The following LRP2BP variants were observed in gnomAD, a reference collection of about 807,000 sequenced individuals.
LRP2BP encodes LRP2-binding protein.
In LRP2BP, 38 loss-of-function variants were observed where a neutral mutation model predicts 45.2. That is an observed-to-expected ratio of 0.84 (90% CI 0.65 to 1.10). LRP2BP has a LOEUF of 1.10. LRP2BP is among the 50% of genes least tolerant of loss of function. The probability of loss-of-function intolerance (pLI) is 0.00; values close to 1 mark genes in which losing one functional copy is unlikely to be tolerated. For missense variants in LRP2BP, 385 were observed against 418.9 expected, an observed-to-expected ratio of 0.92 and a Z score of 0.71; for synonymous variants, 153 against 153.9, an observed-to-expected ratio of 0.99 and a Z score of 0.04.
At chr4:185,380,479 GCT>G (rs2095452701) in intron 1 of LRP2BP, among the ~76,000 whole-genome samples, 1 of 152,012 alleles carries the variant, frequency 6.6e-6, no homozygotes, top group South Asian at 2.1e-4. Context: ...GTGTTCCTAG[GCT>G]TGTAGTTGCA....
At chr4:185,389,392 A>C (rs1368599105) in intron 1 of LRP2BP, among the ~76,000 whole-genome samples, 2 of 150,712 alleles carry the variant, frequency 1.3e-5, no homozygotes, top group Non-Finnish European at 2.9e-5. Context: ...TGTATTTTTT[A>C]ATAGAGACGG....
At chr4:185,394,419 A>T (rs1197096249) in intron 1 of LRP2BP, among the ~76,000 whole-genome samples, 2 of 152,252 alleles carry the variant, frequency 1.3e-5, no homozygotes, top group Non-Finnish European at 2.9e-5. Context: ...TTTACCTGCT[A>T]ATAATTACAT....
intron 7 of LRP2BP, among the ~76,000 whole-genome samples, chr4:185,371,340 C>T (rs377404249): frequency 9.9e-5 from 15 of 151,916 alleles, no homozygotes; most frequent in African/African-American, 3.6e-4. Context: ...GAGATTGAGA[C>T]CATCCTGGCT....
At position 185,365,003 on chromosome 4, in the gene LRP2BP, AGTGTGTGTGTGTGTATGTGTGTGTGT is replaced by A. The variant is rs1232020528; in HGVS notation, c.*2151_*2176del. On this transcript the variant is annotated 3_prime_UTR_variant, in exon 9 of 9. Transcript: ENST00000505916. ...CAGCTACAAGGAATCTTAGAGAAGG[AGTGTGTGTGTGTGTATGTGTGTGTGT>A]GTGTGTGTGTGTAAGAGTAATGATC... The A allele has an allele frequency of 4.3e-5, 6 of 140,126 alleles. No homozygotes were observed. Among genetic ancestry groups the A allele is most frequent in the Non-Finnish European group, 9.1e-5 (6 of 66,150 alleles). 8.7% of individuals were successfully genotyped at this position (140,126 alleles called of 1,614,324 possible). A position where few individuals can be genotyped will look rare whatever the true frequency, so the allele number is the denominator to read the frequency against.
At position 185,366,069 on chromosome 4, in the gene LRP2BP, A is replaced by G. The variant is rs1230909246; in HGVS notation, c.*1111T>C. ...GTTGTGATTTATAAAATAAAGCCAC[A>G]TCCTTTAATATGTTTATAAAAAAAG... is the stretch of plus-strand genomic sequence containing the variant. On this transcript the variant is annotated 3_prime_UTR_variant, in exon 9 of 9. Coordinates refer to ENST00000505916, the MANE Select transcript of LRP2BP (RefSeq NM_001377440.1). The G allele has an allele frequency of 4.6e-5, 7 of 152,366 alleles. No homozygotes were observed. The South Asian group carries it at 1.2e-3, about 27-fold the overall frequency. 9.4% of individuals were successfully genotyped at this position (152,366 alleles called of 1,614,324 possible).
intron 3 of LRP2BP, among the ~76,000 whole-genome samples, chr4:185,376,070 A>T (rs2095436440): frequency 6.6e-6 from 1 of 152,130 alleles, no homozygotes; most frequent in African/African-American, 2.4e-5. Flanking sequence ...CTTCCCGGGG[A>T]AGTCAATGAA....
rs149106106 is a variant in LRP2BP, at chr4:185,371,265, C to T, written c.804-451G>A. 8.4e-3 allele frequency among the ~76,000 whole-genome samples: 1,272 copies of T among 152,192 alleles called. 15 individuals carry two copies. The highest frequency in any genetic ancestry group is 0.029 in the African/African-American group (1,190 of 41,546). On this transcript the variant is annotated intron_variant, in intron 7 of 8. Transcript: ENST00000505916. ...CTTTAAAAATAGACAATTGGCTGGG[C>T]GCGGTGGCTCACGCCTGTAATCCCA...
chr4:185,382,414 CTA>C (rs2095458436), intron 1 of LRP2BP, among the ~76,000 whole-genome samples: 1 of 152,106 alleles, frequency 6.6e-6, no homozygotes, highest in African/African-American at 2.4e-5. Flanking sequence ...TATGGTAATT[CTA>C]TGTTTGACAT....
chr4:185,385,453 C>T (rs1234696601), intron 1 of LRP2BP, among the ~76,000 whole-genome samples: 1 of 152,156 alleles, frequency 6.6e-6, no homozygotes, highest in East Asian at 1.9e-4. Context: ...AAAAATCTGT[C>T]ACAACCAAAA....
chr4:185,393,525 T>G (rs2095493739), intron 1 of LRP2BP, among the ~76,000 whole-genome samples: 1 of 69,806 alleles, frequency 1.4e-5, no homozygotes, highest in African/African-American at 3.6e-5. Flanking sequence ...TACTTTTTCT[T>G]TTCCTTTTTT....
intron 7 of LRP2BP, chr4:185,371,064 A>T: frequency 2.6e-6 from 1 of 383,848 alleles, no homozygotes; most frequent in South Asian, 6.1e-5. Flanking sequence ...TGGAAAACAA[A>T]GGTATGTTTC....
At chr4:185,378,030 ATGAACTGT>A in intron 2 of LRP2BP, 43 bp downstream of exon 2, 1 of 1,432,632 alleles carries the variant, frequency 7.0e-7, no homozygotes. Context: ...AGCATGCAAA[ATGAACTGT>A]TAAAGTGTTT....
intron 7 of LRP2BP, among the ~76,000 whole-genome samples, chr4:185,371,654 A>G (rs1379125616): frequency 6.6e-6 from 1 of 152,088 alleles, no homozygotes; most frequent in Non-Finnish European, 1.5e-5. Context: ...GTTAACCTCA[A>G]TGTCATAGGG....
intron 1 of LRP2BP, among the ~76,000 whole-genome samples, chr4:185,385,770 A>G (rs1321584452): frequency 1.3e-5 from 2 of 152,120 alleles, no homozygotes; most frequent in Non-Finnish European, 2.9e-5. Flanking sequence ...GTGCGGTAGT[A>G]GGCGCCTGTA....
intron 1 of LRP2BP, among the ~76,000 whole-genome samples, chr4:185,390,138 C>T (rs1399724287): frequency 1.3e-5 from 2 of 152,148 alleles, no homozygotes; most frequent in Non-Finnish European, 2.9e-5. Flanking sequence ...AACAAGTTTT[C>T]GTAGTGACTT....
chr4:185,380,884 C>T (rs6848938), intron 1 of LRP2BP, among the ~76,000 whole-genome samples: 21,212 of 151,850 alleles, frequency 0.14, 1,748 homozygotes, highest in African/African-American at 0.21. Flanking sequence ...TAATCTCTCC[C>T]TTTTTATTAA....
In LRP2BP at chr4:185,375,601, A is replaced by T. The variant is rs1364857491; in HGVS notation, c.330+12T>A. 9 of 1,494,732 alleles carry T rather than the reference A, an allele frequency of 6.0e-6. No homozygotes were observed. Among genetic ancestry groups the T allele is most frequent in the Non-Finnish European group, 8.2e-6 (9 of 1,104,040 alleles). The allele number at this position is 1,494,732 out of a possible 1,614,324, so 92.6% of individuals were successfully genotyped here. A position where few individuals can be genotyped will look rare whatever the true frequency, so the allele number is the denominator to read the frequency against. On this transcript the variant is annotated intron_variant, in intron 4 of 8. Coordinates refer to ENST00000505916, the MANE Select transcript of LRP2BP (RefSeq NM_001377440.1). ...TGAAATCTTAACCACTGTGACCAAG[A>T]CATTAACTTACAGCGTCTAGAGTGG...
At position 185,394,995 on chromosome 4, in the gene LRP2BP, G is replaced by A. The variant is rs944067401; in HGVS notation, c.-238C>T. The A allele has an allele frequency of 1.0e-6, 1 of 985,296 alleles. No individual in the cohort carries two copies. Among genetic ancestry groups the A allele is most frequent in the Non-Finnish European group, 1.2e-6 (1 of 829,942 alleles). 61.0% of individuals were successfully genotyped at this position (985,296 alleles called of 1,614,324 possible). ...GCCAGTAAGATATTGTCCCCCAAAT[G>A]TACTTATCCTGTTTTTGTGCATTAT... is the stretch of plus-strand genomic sequence containing the variant. On this transcript the variant is annotated 5_prime_UTR_variant, in exon 1 of 9. Coordinates refer to ENST00000505916, the MANE Select transcript of LRP2BP (RefSeq NM_001377440.1).
At chr4:185,393,081 G>A (rs1449564724) in intron 1 of LRP2BP, among the ~76,000 whole-genome samples, 1 of 152,020 alleles carries the variant, frequency 6.6e-6, no homozygotes, top group Admixed American at 6.6e-5. Context: ...TTACAGGCAC[G>A]CACCACACAC....
Sources: gnomAD v4.1 joint callset for allele counts (sites outside exome capture counted in the v4.1 genomes callset) on GRCh38, gnomAD v4.1.1 for gene constraint, MANE v1.5 for transcripts, NCBI Gene and HGNC (gene_info 2026-07-23, HGNC 2026-07-21) for gene names.